Variants in SYT2 observed in about 807,000 individuals in gnomAD.
The protein encoded by SYT2 is synaptotagmin 2.
Under a neutral mutation model 39.9 loss-of-function variants are expected in SYT2, and 15 were observed. The ratio of observed to expected loss-of-function variants is 0.38; its 90% confidence interval spans 0.25 to 0.58. The LOEUF (loss-of-function observed/expected upper bound fraction) is 0.58, where lower values mean the gene tolerates loss of function less well. SYT2 is among the 20% of genes least tolerant of loss of function. The probability of loss-of-function intolerance (pLI) is 0.70; values close to 1 mark genes in which losing one functional copy is unlikely to be tolerated. For synonymous variants in SYT2, 181 were observed against 204.5 expected, an observed-to-expected ratio of 0.89 and a Z score of 0.98; for missense variants, 389 against 530.3, an observed-to-expected ratio of 0.73 and a Z score of 2.62.
rs117557814 is a variant in SYT2 at position 202,625,844 on chromosome 1, C to T, written c.-17-20055G>A. On this transcript the variant is annotated intron_variant, in intron 1 of 8. Transcript: ENST00000367268. ...TGTGGCATCTGCTAGCCGGCAGCAC[C>T]GGGGAGGGGGTCCTGTCTCCATCTC... 9.5e-3 allele frequency among the ~76,000 whole-genome samples: 1,449 copies of T among 151,788 alleles called. 23 individuals are homozygous for T. Among genetic ancestry groups the T allele is most frequent in the East Asian group, 0.091 (467 of 5,104 alleles).
At chr1:202,616,498 A>T (rs1487643510) in intron 1 of SYT2, among the ~76,000 whole-genome samples, 2 of 152,054 alleles carry the variant, frequency 1.3e-5, no homozygotes, top group Non-Finnish European at 2.9e-5. Context: ...ACATACACAT[A>T]TGCACACACA....
chr1:202,598,769 G>A (rs1690389500), intron 8 of SYT2, among the ~76,000 whole-genome samples: 1 of 152,216 alleles, frequency 6.6e-6, no homozygotes, highest in Admixed American at 6.5e-5. Context: ...GGCTGGAAGG[G>A]TGGAGGGAGA....
At chr1:202,627,846 C>G (rs548449057) in intron 1 of SYT2, among the ~76,000 whole-genome samples, 1 of 152,220 alleles carries the variant, frequency 6.6e-6, no homozygotes, top group Non-Finnish European at 1.5e-5. Flanking sequence ...AAGCAGCTCA[C>G]AGGGAGACGA....
chr1:202,602,887 T>C, intron 4 of SYT2, 112 bp downstream of exon 4: 1 of 1,344,304 alleles, frequency 7.4e-7, no homozygotes, highest in South Asian at 1.3e-5. Context: ...CCTCATTCTA[T>C]GGAAAGGAGT....
chr1:202,600,990 GTTTTCGGAGCAATTTGCA>G (rs1249348149), intron 6 of SYT2, among the ~76,000 whole-genome samples: 1 of 152,114 alleles, frequency 6.6e-6, no homozygotes, highest in African/African-American at 2.4e-5. Flanking sequence ...ATGATTTGTG[GTTTTCGGAGCAATTTGCA>G]TCCCTTTTGT....
At chr1:202,663,743 C>G (rs1040999785) in intron 1 of SYT2, among the ~76,000 whole-genome samples, 2 of 152,178 alleles carry the variant, frequency 1.3e-5, no homozygotes, top group Non-Finnish European at 2.9e-5. Context: ...TAAGGGACCT[C>G]TGCTTGAGCT....
At chr1:202,655,993 C>G (rs1009883125) in intron 1 of SYT2, among the ~76,000 whole-genome samples, 1 of 152,036 alleles carries the variant, frequency 6.6e-6, no homozygotes, top group African/African-American at 2.4e-5. Flanking sequence ...AGGTGTGACC[C>G]CAGGCCAAGA....
intron 1 of SYT2, among the ~76,000 whole-genome samples, chr1:202,631,733 C>G: frequency 6.6e-6 from 1 of 152,148 alleles, no homozygotes; most frequent in East Asian, 1.9e-4. Flanking sequence ...GTCAGCACCA[C>G]CCATTGATGA....
intron 1 of SYT2, among the ~76,000 whole-genome samples, chr1:202,679,685 C>A (rs1251470729): frequency 1.3e-5 from 2 of 152,202 alleles, no homozygotes; most frequent in African/African-American, 4.8e-5. Flanking sequence ...AACCAGGAGT[C>A]ACATGTCTGC....
chr1:202,627,241 C>G (rs1691442499), intron 1 of SYT2, among the ~76,000 whole-genome samples: 1 of 152,168 alleles, frequency 6.6e-6, no homozygotes, highest in South Asian at 2.1e-4. Flanking sequence ...CAGCTCAGCT[C>G]CCAGGGGACC....
At position 202,641,077 on chromosome 1, in the gene SYT2, C is replaced by T. The variant is rs959420738; in HGVS notation, c.-17-35288G>A. Among the ~76,000 whole-genome samples, 14 of 152,320 alleles carry T rather than the reference C, an allele frequency of 9.2e-5. 1 individual carries two copies. Among genetic ancestry groups the T allele is most frequent in the African/African-American group, 3.1e-4 (13 of 41,560 alleles). On this transcript the variant is annotated intron_variant, in intron 1 of 8. Transcript: ENST00000367268. ...TCATAAAAACCCTAAAATACCACCA[C>T]TATTCTCATTCTGTTTTGACTACTT...
At chr1:202,627,358 G>T in intron 1 of SYT2, 1 of 688,552 alleles carries the variant, frequency 1.5e-6, no homozygotes, top group Non-Finnish European at 1.8e-6. Flanking sequence ...TGGAGGAGGT[G>T]GGGGATCTCA....
At chr1:202,635,978 G>A (rs1412048129) in intron 1 of SYT2, among the ~76,000 whole-genome samples, 1 of 152,106 alleles carries the variant, frequency 6.6e-6, no homozygotes, top group Non-Finnish European at 1.5e-5. Context: ...TCAGCCCCCT[G>A]CCTGCCTCCC....
intron 1 of SYT2, among the ~76,000 whole-genome samples, chr1:202,649,306 G>A (rs895968195): frequency 1.3e-5 from 2 of 152,210 alleles, no homozygotes; most frequent in African/African-American, 4.8e-5. Flanking sequence ...ATCTGGGGGA[G>A]GCAAGATTTC....
At chr1:202,649,922 G>A (rs1324163004) in intron 1 of SYT2, among the ~76,000 whole-genome samples, 2 of 152,222 alleles carry the variant, frequency 1.3e-5, no homozygotes. Context: ...AGACCGCACA[G>A]CCAACTTCAG....
chr1:202,653,228 C>A (rs184740262), intron 1 of SYT2, among the ~76,000 whole-genome samples: 2 of 152,272 alleles, frequency 1.3e-5, no homozygotes, highest in African/African-American at 2.4e-5. Flanking sequence ...ACGGACCCCC[C>A]CTGAACCGTC....
chr1:202,648,060 T>C (rs1472115330), intron 1 of SYT2, among the ~76,000 whole-genome samples: 3 of 152,198 alleles, frequency 2.0e-5, no homozygotes, highest in Non-Finnish European at 4.4e-5. Context: ...GTCTCATCCA[T>C]AAAATGGAAC....
At chr1:202,645,439 T>G (rs574209481) in intron 1 of SYT2, among the ~76,000 whole-genome samples, 1 of 152,290 alleles carries the variant, frequency 6.6e-6, no homozygotes, top group South Asian at 2.1e-4. Context: ...TGGATTCAGG[T>G]TCGACTTTGG....
chr1:202,629,787 G>A (rs557168907), intron 1 of SYT2, among the ~76,000 whole-genome samples: 1 of 150,662 alleles, frequency 6.6e-6, no homozygotes, highest in Non-Finnish European at 1.5e-5. Context: ...GAGAATCACT[G>A]GAGCCCAGGA....
Sources: gnomAD v4.1 joint callset for allele counts (sites outside exome capture counted in the v4.1 genomes callset) on GRCh38, gnomAD v4.1.1 for gene constraint, MANE v1.5 for transcripts, NCBI Gene and HGNC (gene_info 2026-07-23, HGNC 2026-07-21) for gene names.